CIITA: variants seen among roughly 807,000 people sequenced by gnomAD.
The protein encoded by CIITA is MHC class II transactivator.
Under a neutral mutation model 115.1 loss-of-function variants are expected in CIITA, and 72 were observed. The observed-to-expected ratio is 0.63, with a 90% confidence interval of 0.52 to 0.76. The LOEUF (loss-of-function observed/expected upper bound fraction) is 0.76, where lower values mean the gene tolerates loss of function less well. CIITA is among the 30% of genes least tolerant of loss of function. The pLI, the probability that CIITA is intolerant of heterozygous loss-of-function variation, is 0.00. For synonymous variants in CIITA, 763 were observed against 635.6 expected, an observed-to-expected ratio of 1.20 and a Z score of -3.02; for missense variants, 1,617 against 1,463.8, an observed-to-expected ratio of 1.10 and a Z score of -1.71.
chr16:10,886,185 G>A (rs188956036), intron 1 of CIITA, among the ~76,000 whole-genome samples: 133 of 151,438 alleles, frequency 8.8e-4, no homozygotes, highest in African/African-American at 3.1e-3. Flanking sequence ...TGATCCACCC[G>A]CCTCGGCCTC....
At chr16:10,893,572 G>A (rs901583916) in intron 1 of CIITA, among the ~76,000 whole-genome samples, 2 of 152,012 alleles carry the variant, frequency 1.3e-5, no homozygotes, top group African/African-American at 4.8e-5. Flanking sequence ...TTGGGAGGCC[G>A]AGGAGACAGG....
rs1250157862 is a variant in CIITA, at chr16:10,901,359, T to C, written c.437-155T>C. ...GGGGTTTGGGTTCAAGCCAAGGAGCTGGGGTTGGAATGTTAGAGCGAGGGG... is the reference window on the plus strand; with the variant it reads ...GGGGTTTGGGTTCAAGCCAAGGAGCCGGGGTTGGAATGTTAGAGCGAGGGG... On this transcript the variant is annotated intron_variant, in intron 5 of 19. Transcript: ENST00000324288. This position sits in a 1 kb window ranked among gnomAD's most constrained non-coding sequence, Gnocchi z 6.8. Among the ~76,000 whole-genome samples, 1 of 152,070 alleles carries C rather than the reference T, an allele frequency of 6.6e-6. No individual in the cohort carries two copies. Among genetic ancestry groups the C allele is most frequent in the East Asian group, 1.9e-4 (1 of 5,194 alleles).
At position 10,932,075 on chromosome 16, in the gene CIITA, G is replaced by C. The variant is rs1424449022; in HGVS notation, c.*8220G>C. The C allele has an allele frequency of 6.6e-6, 1 of 152,258 alleles. No individual in the cohort carries two copies. The highest frequency in any genetic ancestry group is 2.4e-5 in the African/African-American group (1 of 41,462). 9.4% of individuals were successfully genotyped at this position (152,258 alleles called of 1,614,324 possible). A position where few individuals can be genotyped will look rare whatever the true frequency, so the allele number is the denominator to read the frequency against. On this transcript the variant is annotated 3_prime_UTR_variant, in exon 20 of 20. Transcript: ENST00000324288. ...CCATAGCAGAGAATGAAAGGGCCCA[G>C]AGAGGGTGGTGACCTCTGCCTGAAG...
At chr16:10,902,853 C>A in intron 8 of CIITA, 52 bp downstream of exon 8, 5 of 1,606,506 alleles carry the variant, frequency 3.1e-6, no homozygotes, top group Non-Finnish European at 4.3e-6. Flanking sequence ...CCTGACTGCT[C>A]CCTGACCTCA....
intron 1 of CIITA, among the ~76,000 whole-genome samples, chr16:10,887,742 G>T (rs1292602504): frequency 6.6e-6 from 1 of 152,182 alleles, no homozygotes; most frequent in Non-Finnish European, 1.5e-5. Context: ...TAATCCGCCA[G>T]CCTCGGCCTC....
At chr16:10,912,686 A>G (rs11074938) in intron 13 of CIITA, among the ~76,000 whole-genome samples, 84,977 of 152,076 alleles carry the variant, frequency 0.56, 24,189 homozygotes, top group South Asian at 0.71. Flanking sequence ...TGAAAAGGGG[A>G]AATGTCTGAA....
chr16:10,900,745 A>C (rs964005503), intron 5 of CIITA, among the ~76,000 whole-genome samples: 2 of 152,138 alleles, frequency 1.3e-5, no homozygotes, highest in Non-Finnish European at 2.9e-5. Context: ...GTTTCAAAAA[A>C]AAAAAAAAAT....
At chr16:10,898,761 G>C (rs994457085) in intron 4 of CIITA, 29 bp downstream of exon 4, 1 of 1,611,026 alleles carries the variant, frequency 6.2e-7, no homozygotes, top group Non-Finnish European at 8.5e-7. Context: ...GGGAGGTCTT[G>C]GCTCAGCCTG....
Position 10,902,821 on chromosome 16 carries a change from C to T in CIITA, c.772+20C>T. 2 of 1,613,854 alleles carry T rather than the reference C, an allele frequency of 1.2e-6. No individual in the cohort carries two copies. The highest frequency in any genetic ancestry group is 4.5e-5 in the East Asian group (2 of 44,876). ...ACCATGGTGAGTGCGGGGCCTGGCT[C>T]CCCGACCACCTCTCCCTCCTACCTG... is the stretch of plus-strand genomic sequence containing the variant. On this transcript the variant is annotated intron_variant, in intron 8 of 19. Transcript: ENST00000324288.
At chr16:10,899,889 G>A (rs1447238342) in intron 5 of CIITA, among the ~76,000 whole-genome samples, 1 of 152,154 alleles carries the variant, frequency 6.6e-6, no homozygotes, top group Non-Finnish European at 1.5e-5. Context: ...ATACCTGCCT[G>A]GCCAACATGG....
At chr16:10,916,528 A>G in intron 15 of CIITA, 69 bp downstream of exon 15, 3 of 1,383,946 alleles carry the variant, frequency 2.2e-6, no homozygotes, top group Non-Finnish European at 3.0e-6. Flanking sequence ...TTTCAAAATT[A>G]ATTTAAATTT....
At chr16:10,882,670 G>C (rs140284547) in intron 1 of CIITA, among the ~76,000 whole-genome samples, 1 of 152,180 alleles carries the variant, frequency 6.6e-6, no homozygotes, top group East Asian at 1.9e-4. Context: ...GGCTGAGGCC[G>C]GTGGATCACC....
upstream of CIITA, among the ~76,000 whole-genome samples, chr16:10,873,214 C>T (rs148971258): frequency 8.8e-4 from 134 of 152,302 alleles, no homozygotes; most frequent in African/African-American, 3.0e-3. Flanking sequence ...GCTCAAGCGA[C>T]ATACCTGCCT....
intron 15 of CIITA, chr16:10,917,000 A>T (rs2145013043): frequency 4.0e-6 from 1 of 250,440 alleles, no homozygotes; most frequent in Non-Finnish European, 7.9e-6. Context: ...CGGTAATTAT[A>T]AAGTATACAG....
intron 1 of CIITA, among the ~76,000 whole-genome samples, chr16:10,886,095 C>A (rs1215141026): frequency 6.9e-6 from 1 of 145,782 alleles, no homozygotes; most frequent in Non-Finnish European, 1.5e-5. Flanking sequence ...CACTCTGTCA[C>A]CCAGGCTGAG....
downstream of CIITA, chr16:10,938,275 G>C (rs964221998): frequency 2.6e-5 from 4 of 151,886 alleles, no homozygotes; most frequent in African/African-American, 9.7e-5. The surrounding 1 kb of genome is among the most constrained non-coding windows in gnomAD (Gnocchi z 4.9). Context: ...TGAACCCAGG[G>C]CCCTGGCTCT....
rs2040839040 is a variant in CIITA, at chr16:10,932,487, G to T, written c.*8632G>T. ...CAGAGCCAGGATTTGAACCCCCGTGGCCTGACCCCAAAGCCGAAACCACTC... is the reference window on the plus strand; with the variant it reads ...CAGAGCCAGGATTTGAACCCCCGTGTCCTGACCCCAAAGCCGAAACCACTC... On this transcript the variant is annotated 3_prime_UTR_variant, in exon 20 of 20. Transcript: ENST00000324288. The T allele has an allele frequency of 6.6e-6, 1 of 152,012 alleles. No homozygotes were observed. The highest frequency in any genetic ancestry group is 2.4e-5 in the African/African-American group (1 of 41,348). 9.4% of individuals were successfully genotyped at this position (152,012 alleles called of 1,614,324 possible).
At chr16:10,876,481 G>A (rs149692014), upstream of CIITA, among the ~76,000 whole-genome samples, 278 of 152,314 alleles carry the variant, frequency 1.8e-3, 1 homozygote, top group Non-Finnish European at 2.5e-3. Context: ...ATAAAACAGA[G>A]TGATCATATA....
At chr16:10,886,189 C>T (rs1018346261) in intron 1 of CIITA, among the ~76,000 whole-genome samples, 3 of 151,972 alleles carry the variant, frequency 2.0e-5, no homozygotes, top group Admixed American at 1.3e-4. Context: ...CCACCCGCCT[C>T]GGCCTCCCAA....
Sources: allele counts gnomAD v4.1 joint callset (sites outside exome capture counted in the v4.1 genomes callset), GRCh38; gene constraint gnomAD v4.1.1; non-coding constraint Gnocchi (gnomAD v3.1); transcripts MANE v1.5; gene names NCBI Gene and HGNC (gene_info 2026-07-23, HGNC 2026-07-21).